The following SFT2D3 variants were observed in gnomAD, a reference collection of about 807,000 sequenced individuals.
SFT2D3 encodes the protein vesicle transport protein SFT2C.
For missense variants in SFT2D3, 405 were observed against 334.6 expected (o/e 1.21, Z -1.64); for synonymous variants, 239 against 191.2 (o/e 1.25, Z -2.06).
In SFT2D3 at chr2:127,702,194, C is replaced by G. The variant is rs770152287; in HGVS notation, c.*18C>G. The G allele has an allele frequency of 2.2e-5, 27 of 1,214,074 alleles. No individual in the cohort carries two copies. Among genetic ancestry groups the G allele is most frequent in the Admixed American group, 4.4e-5 (1 of 22,938 alleles). 75.2% of individuals were successfully genotyped at this position (1,214,074 alleles called of 1,614,324 possible). A position where few individuals can be genotyped will look rare whatever the true frequency, so the allele number is the denominator to read the frequency against. On this transcript the variant is annotated 3_prime_UTR_variant, in exon 1 of 1. Transcript: ENST00000310981. ...CCGTGTGAGGACCTCGCGCCCTCGC[C>G]GCTGGGGAAGTACGCGGAGCCAGCG...
chr2:127,702,308 C>T lies in SFT2D3; in HGVS notation c.*132C>T. 1.0e-6 allele frequency: 1 copy of T among 969,996 alleles called. No individual in the cohort carries two copies. The highest frequency in any genetic ancestry group is 1.3e-6 in the Non-Finnish European group (1 of 760,352). 60.1% of individuals were successfully genotyped at this position (969,996 alleles called of 1,614,324 possible). A position where few individuals can be genotyped will look rare whatever the true frequency, so the allele number is the denominator to read the frequency against. On this transcript the variant is annotated 3_prime_UTR_variant, in exon 1 of 1. Coordinates refer to ENST00000310981, the MANE Select transcript of SFT2D3 (RefSeq NM_032740.4). Reference sequence around the variant, plus strand: ...GGCCCTGCCCTAACAGCCTGCGAGTCTAATCCGGGAGCGGCTGCTGCCAGC... The same window carrying T: ...GGCCCTGCCCTAACAGCCTGCGAGTTTAATCCGGGAGCGGCTGCTGCCAGC...
rs1685920395 is a variant in SFT2D3, at chr2:127,702,562, A to C, written c.*386A>C. On this transcript the variant is annotated 3_prime_UTR_variant, in exon 1 of 1. Transcript: ENST00000310981. ...TTTCTCAGGCTGTTTTGTCATTTTA[A>C]AATCCAGTGGTAGATGTAGCTTAGC... The C allele has an allele frequency of 5.9e-6, 1 of 169,792 alleles. No individual in the cohort carries two copies. The highest frequency in any genetic ancestry group is 2.1e-4 in the South Asian group (1 of 4,856). 10.5% of individuals were successfully genotyped at this position (169,792 alleles called of 1,614,324 possible). A position where few individuals can be genotyped will look rare whatever the true frequency, so the allele number is the denominator to read the frequency against.
rs948196073 is a variant in SFT2D3, at chr2:127,701,841, G to T, written c.313G>T (p.Ala105Ser). The stretch of plus-strand genomic sequence containing the variant: ...CTACGCACCGGTGTTGCTGCTGCGC[G>T]CGCGCAAGTTCGCGCTGCTCTGGTC... ...ALYAPVLLLRARKFALLWSLG... is the reference protein window; with the variant it reads ...ALYAPVLLLRSRKFALLWSLG... Residue 105 changes from alanine to serine, a missense_variant, in exon 1 of 1, where the codon GCG becomes TCG. By Grantham distance (99) the Ala-to-Ser change is moderately conservative (BLOSUM62 1). Coordinates refer to ENST00000310981, the MANE Select transcript of SFT2D3 (RefSeq NM_032740.4). The T allele has an allele frequency of 8.9e-6, 13 of 1,458,896 alleles. No homozygotes were observed. The African/African-American group carries it at 1.9e-4, about 22-fold the overall frequency. The allele number at this position is 1,458,896 out of a possible 1,614,324, so 90.4% of individuals were successfully genotyped here. A position where few individuals can be genotyped will look rare whatever the true frequency, so the allele number is the denominator to read the frequency against.
At position 127,704,334 on chromosome 2, in the gene SFT2D3, G is replaced by A. The variant is rs1685962548; in HGVS notation, c.*2158G>A. 6.0e-6 allele frequency: 1 copy of A among 166,876 alleles called. No individual in the cohort carries two copies. The highest frequency in any genetic ancestry group is 1.5e-5 in the Non-Finnish European group (1 of 68,094). The allele number at this position is 166,876 out of a possible 1,614,324, so 10.3% of individuals were successfully genotyped here. The stretch of plus-strand genomic sequence containing the variant: ...CAAGGTAAAATGAAAATTTTTAAAT[G>A]TGATCTGGTTATCTGCTTACTGAGA... On this transcript the variant is annotated 3_prime_UTR_variant, in exon 1 of 1. Transcript: ENST00000310981.
In SFT2D3 at chr2:127,702,092, G is replaced by T. The variant is rs946740545; in HGVS notation, c.564G>T (p.Leu188=). 1 of 1,216,452 alleles carries T rather than the reference G, an allele frequency of 8.2e-7. No homozygotes were observed. The highest frequency in any genetic ancestry group is 1.0e-6 in the Non-Finnish European group (1 of 980,730). 75.4% of individuals were successfully genotyped at this position (1,216,452 alleles called of 1,614,324 possible). A position where few individuals can be genotyped will look rare whatever the true frequency, so the allele number is the denominator to read the frequency against. ...AALLAALVGL[L]PWGGGTALRL... is the part of the protein sequence containing the mutation. ...TGCTGGCCGCGCTGGTTGGGCTGCT[G>T]CCCTGGGGCGGCGGCACCGCGCTGC... The change falls in exon 1 of 1, where the codon CTG becomes CTT. Residue 188 remains leucine (L), a synonymous_variant. Transcript: ENST00000310981.
At position 127,702,131 on chromosome 2, in the gene SFT2D3, T is replaced by A. The variant is rs1207816670; in HGVS notation, c.603T>A (p.Gly201=). Residue 201 remains glycine, a synonymous_variant, in exon 1 of 1, where the codon GGT becomes GGA. Coordinates refer to ENST00000310981, the MANE Select transcript of SFT2D3 (RefSeq NM_032740.4). ...GCACCGCGCTGCGCCTCGCACTGGG[T>A]CGCCTGGGCCGCGGCGCCGGCCTCG... ...GGGTALRLAL[G]RLGRGAGLAK... is the part of the protein sequence containing the mutation. The A allele has an allele frequency of 3.6e-5, 44 of 1,216,078 alleles. No homozygotes were observed. The highest frequency in any genetic ancestry group is 3.2e-4 in the Middle Eastern group (1 of 3,112). 75.3% of individuals were successfully genotyped at this position (1,216,078 alleles called of 1,614,324 possible). A position where few individuals can be genotyped will look rare whatever the true frequency, so the allele number is the denominator to read the frequency against.
Position 127,702,182 on chromosome 2 carries a change from T to G in SFT2D3, c.*6T>G, listed in dbSNP as rs1457159854. ...CCAAGGTGCTGCCCGTGTGAGGACCTCGCGCCCTCGCCGCTGGGGAAGTAC... is the reference window on the plus strand; with the variant it reads ...CCAAGGTGCTGCCCGTGTGAGGACCGCGCGCCCTCGCCGCTGGGGAAGTAC... On this transcript the variant is annotated 3_prime_UTR_variant, in exon 1 of 1. Coordinates refer to ENST00000310981, the MANE Select transcript of SFT2D3 (RefSeq NM_032740.4). 6.6e-6 allele frequency: 8 copies of G among 1,213,078 alleles called. No homozygotes were observed. The East Asian group carries it at 2.7e-4, about 41-fold the overall frequency. The allele number at this position is 1,213,078 out of a possible 1,614,324, so 75.1% of individuals were successfully genotyped here.
Position 127,702,316 on chromosome 2 carries a change from G to A in SFT2D3, c.*140G>A, listed in dbSNP as rs1685913526. 9 of 928,470 alleles carry A rather than the reference G, an allele frequency of 9.7e-6. No individual in the cohort carries two copies. Among genetic ancestry groups the A allele is most frequent in the Non-Finnish European group, 1.2e-5 (9 of 721,990 alleles). 57.5% of individuals were successfully genotyped at this position (928,470 alleles called of 1,614,324 possible). A position where few individuals can be genotyped will look rare whatever the true frequency, so the allele number is the denominator to read the frequency against. The stretch of plus-strand genomic sequence containing the variant: ...CCTAACAGCCTGCGAGTCTAATCCG[G>A]GAGCGGCTGCTGCCAGCGGAGGCGA... On this transcript the variant is annotated 3_prime_UTR_variant, in exon 1 of 1. Coordinates refer to ENST00000310981, the MANE Select transcript of SFT2D3 (RefSeq NM_032740.4).
chr2:127,704,279 A>C lies in SFT2D3; in HGVS notation c.*2103A>C, dbSNP rs1326640030. ...TATTGTTTAAATGAATTCACTCTCA[A>C]AATGTGATCTGTCAAGTCCAGTAGA... On this transcript the variant is annotated 3_prime_UTR_variant, in exon 1 of 1. Transcript: ENST00000310981. The C allele has an allele frequency of 1.2e-5, 2 of 166,946 alleles. No homozygotes were observed. The highest frequency in any genetic ancestry group is 2.4e-5 in the African/African-American group (1 of 41,404). 10.3% of individuals were successfully genotyped at this position (166,946 alleles called of 1,614,324 possible).
At position 127,701,654 on chromosome 2, in the gene SFT2D3, G is replaced by A. The variant is rs1368953630; in HGVS notation, c.126G>A (p.Glu42=). 3 of 1,297,552 alleles carry A rather than the reference G, an allele frequency of 2.3e-6. No homozygotes were observed. In the East Asian group the frequency reaches 9.4e-5, roughly 41 times the overall value. 80.4% of individuals were successfully genotyped at this position (1,297,552 alleles called of 1,614,324 possible). The change falls in exon 1 of 1, where the codon GAG becomes GAA. Residue 42 remains glutamate (E), a synonymous_variant. Coordinates refer to ENST00000310981, the MANE Select transcript of SFT2D3 (RefSeq NM_032740.4). Reference sequence around the variant, plus strand: ...AGCCCGGGGACCGGCCGGCGGAGGAGTGGCTGGGCCGCGCGGGCTTGCGCT... The same window carrying A: ...AGCCCGGGGACCGGCCGGCGGAGGAATGGCTGGGCCGCGCGGGCTTGCGCT... ...AEEPGDRPAE[E]WLGRAGLRWT...
chr2:127,701,988 G>T lies in SFT2D3; in HGVS notation c.460G>T (p.Gly154Cys). The stretch of plus-strand genomic sequence containing the variant: ...CGCGCTGCTCTACATGGCAGCGCTG[G>T]GCGCCACGCTGTTCGCCGCGCTGGG... ...RPALLYMAAL[G>C]ATLFAALGLR... is the part of the protein sequence containing the mutation. The change falls in exon 1 of 1, where the codon GGC (glycine) becomes TGC (cysteine). Residue 154 changes from glycine (G) to cysteine (C), a missense_variant. By Grantham distance (159) the Gly-to-Cys change is radical (BLOSUM62 -3). Coordinates refer to ENST00000310981, the MANE Select transcript of SFT2D3 (RefSeq NM_032740.4). 7.4e-7 allele frequency: 1 copy of T among 1,342,830 alleles called. No individual in the cohort carries two copies. The highest frequency in any genetic ancestry group is 9.5e-7 in the Non-Finnish European group (1 of 1,050,396). 83.2% of individuals were successfully genotyped at this position (1,342,830 alleles called of 1,614,324 possible).
rs1685981909 is a variant in SFT2D3 at position 127,705,071 on chromosome 2, C to CA, written c.*2901dup. Reference sequence around the variant, plus strand: ...GCTGGGTGACAGAGCAAGACTCTGTCAAAAAAGGAAAAGAAAAAAAGAAAC... The same window carrying CA: ...GCTGGGTGACAGAGCAAGACTCTGTCAAAAAAAGGAAAAGAAAAAAAGAAAC... On this transcript the variant is annotated 3_prime_UTR_variant, in exon 1 of 1. Transcript: ENST00000310981. The surrounding 1 kb of genome is among the most constrained non-coding windows in gnomAD (Gnocchi z 4.5). 1 of 165,334 alleles carries CA rather than the reference C, an allele frequency of 6.0e-6. No homozygotes were observed. Among genetic ancestry groups the CA allele is most frequent in the South Asian group, 2.1e-4 (1 of 4,706 alleles). The allele number at this position is 165,334 out of a possible 1,614,324, so 10.2% of individuals were successfully genotyped here.
rs924519125 is a variant in SFT2D3, at chr2:127,704,746, T to C, written c.*2570T>C. 2.4e-5 allele frequency: 4 copies of C among 167,124 alleles called. No individual in the cohort carries two copies. Among genetic ancestry groups the C allele is most frequent in the African/African-American group, 9.6e-5 (4 of 41,466 alleles). 10.4% of individuals were successfully genotyped at this position (167,124 alleles called of 1,614,324 possible). ...ATAGAGAACCAGTTAAATTTTCATATCCTGTTAAACTATATCAGTATGCCT... is the reference window on the plus strand; with the variant it reads ...ATAGAGAACCAGTTAAATTTTCATACCCTGTTAAACTATATCAGTATGCCT... On this transcript the variant is annotated 3_prime_UTR_variant, in exon 1 of 1. Transcript: ENST00000310981.
In SFT2D3 at chr2:127,701,743, C is replaced by T. The variant is rs1199645361; in HGVS notation, c.215C>T (p.Thr72Met). The change falls in exon 1 of 1, where the codon ACG becomes ATG. Residue 72 changes from threonine (T) to methionine (M), a missense_variant. By Grantham distance (81) the Thr-to-Met change is moderately conservative. Coordinates refer to ENST00000310981, the MANE Select transcript of SFT2D3 (RefSeq NM_032740.4). ...AAGLTCLPSV[T>M]RGQRLAAGGG... is the part of the protein sequence containing the mutation. ...GGCCTGACGTGCCTCCCGAGCGTGA[C>T]GCGCGGGCAGCGGCTGGCGGCGGGC... 11 of 1,412,378 alleles carry T rather than the reference C, an allele frequency of 7.8e-6. No individual in the cohort carries two copies. Among genetic ancestry groups the T allele is most frequent in the Non-Finnish European group, 1.0e-5 (11 of 1,082,954 alleles). The allele number at this position is 1,412,378 out of a possible 1,614,324, so 87.5% of individuals were successfully genotyped here. A position where few individuals can be genotyped will look rare whatever the true frequency, so the allele number is the denominator to read the frequency against.
Position 127,701,942 on chromosome 2 carries a change from CGAA to C in SFT2D3, c.419_421del (p.Glu140del). On this transcript the variant is annotated inframe_deletion, in exon 1 of 1. Transcript: ENST00000310981. The stretch of plus-strand genomic sequence containing the variant: ...CGGCGTGCGGACGCCTGCTGCGCTG[CGAA>C]GAAGCGCCGTCCCGGCCCGCGCTGC... 1.4e-6 allele frequency: 2 copies of C among 1,416,110 alleles called. No individual in the cohort carries two copies. Among genetic ancestry groups the C allele is most frequent in the Non-Finnish European group, 1.8e-6 (2 of 1,092,180 alleles). 87.7% of individuals were successfully genotyped at this position (1,416,110 alleles called of 1,614,324 possible). A position where few individuals can be genotyped will look rare whatever the true frequency, so the allele number is the denominator to read the frequency against.
chr2:127,702,326 C>A lies in SFT2D3; in HGVS notation c.*150C>A. 1 of 841,466 alleles carries A rather than the reference C, an allele frequency of 1.2e-6. No individual in the cohort carries two copies. Among genetic ancestry groups the A allele is most frequent in the Non-Finnish European group, 1.6e-6 (1 of 642,110 alleles). The allele number at this position is 841,466 out of a possible 1,614,324, so 52.1% of individuals were successfully genotyped here. A position where few individuals can be genotyped will look rare whatever the true frequency, so the allele number is the denominator to read the frequency against. On this transcript the variant is annotated 3_prime_UTR_variant, in exon 1 of 1. Transcript: ENST00000310981. ...TGCGAGTCTAATCCGGGAGCGGCTG[C>A]TGCCAGCGGAGGCGACAGCAGCGTT...
chr2:127,703,043 TTGC>T lies in SFT2D3; in HGVS notation c.*874_*876del, dbSNP rs2105365240. On this transcript the variant is annotated 3_prime_UTR_variant, in exon 1 of 1. Transcript: ENST00000310981. ...GATCTTAAGATTTTTTTATATCTAA[TTGC>T]TGCTGCCTTCATTTTAGGTTCAGCA... 1 of 167,226 alleles carries T rather than the reference TTGC, an allele frequency of 6.0e-6. No homozygotes were observed. Among genetic ancestry groups the T allele is most frequent in the East Asian group, 1.9e-4 (1 of 5,190 alleles). The allele number at this position is 167,226 out of a possible 1,614,324, so 10.4% of individuals were successfully genotyped here. A position where few individuals can be genotyped will look rare whatever the true frequency, so the allele number is the denominator to read the frequency against.
rs757548621 is a variant in SFT2D3, at chr2:127,701,614, C to T, written c.86C>T (p.Ala29Val). 48 of 1,341,552 alleles carry T rather than the reference C, an allele frequency of 3.6e-5. No individual in the cohort carries two copies. In the South Asian group the frequency reaches 7.9e-4, roughly 22 times the overall value. The allele number at this position is 1,341,552 out of a possible 1,614,324, so 83.1% of individuals were successfully genotyped here. The change falls in exon 1 of 1, where the codon GCG (alanine) becomes GTG (valine). Residue 29 changes from alanine to valine, a missense_variant. Ala to Val is a moderately conservative substitution (Grantham distance 64). Transcript: ENST00000310981. Reference sequence around the variant, plus strand: ...GCGGCCGCGGAGCCGCTGCTCGCCGCGGAGAAGGCGGAGGAGCCCGGGGAC... The same window carrying T: ...GCGGCCGCGGAGCCGCTGCTCGCCGTGGAGAAGGCGGAGGAGCCCGGGGAC... The part of the protein sequence containing the change: ...GPAAAEPLLA[A>V]EKAEEPGDRP...
chr2:127,701,921 G>C lies in SFT2D3; in HGVS notation c.393G>C (p.Ala131=), dbSNP rs1303265900. Reference sequence around the variant, plus strand: ...GCGCGCTGCTGCGGGGCGGCGCGGCGTGCGGACGCCTGCTGCGCTGCGAAG... The same window carrying C: ...GCGCGCTGCTGCGGGGCGGCGCGGCCTGCGGACGCCTGCTGCGCTGCGAAG... The part of the protein sequence containing the change: ...AGSALLRGGA[A]CGRLLRCEEA... The change falls in exon 1 of 1, where the codon GCG becomes GCC. Residue 131 remains alanine, a synonymous_variant. Transcript: ENST00000310981. The C allele has an allele frequency of 6.9e-7, 1 of 1,443,606 alleles. No individual in the cohort carries two copies. The highest frequency in any genetic ancestry group is 9.1e-7 in the Non-Finnish European group (1 of 1,104,786). The allele number at this position is 1,443,606 out of a possible 1,614,324, so 89.4% of individuals were successfully genotyped here.
Sources: gnomAD v4.1 joint callset for allele counts on GRCh38, gnomAD v4.1.1 for gene constraint, Gnocchi (gnomAD v3.1) non-coding constraint, MANE v1.5 for transcripts, NCBI Gene and HGNC (gene_info 2026-07-23, HGNC 2026-07-21) for gene names.